The following ADAMTS12 variants were observed in gnomAD, a reference collection of about 807,000 sequenced individuals.
The protein encoded by ADAMTS12 is A disintegrin and metalloproteinase with thrombospondin motifs 12.
Under a neutral mutation model 167.8 loss-of-function variants are expected in ADAMTS12, and 118 were observed. The ratio of observed to expected loss-of-function variants is 0.70; its 90% CI spans 0.61 to 0.82. The LOEUF (loss-of-function observed/expected upper bound fraction) is 0.82, where lower values mean the gene tolerates loss of function less well. ADAMTS12 is among the 40% of genes least tolerant of loss of function. ADAMTS12 has a pLI of 0.00. For synonymous variants in ADAMTS12, 704 were observed against 716.9 expected, an observed-to-expected ratio of 0.98 and a Z score of 0.29; for missense variants, 1,916 against 1,998.8, an observed-to-expected ratio of 0.96 and a Z score of 0.79.
At chr5:33,604,783 G>A (rs985777201) in intron 16 of ADAMTS12, among the ~76,000 whole-genome samples, 3 of 152,126 alleles carry the variant, frequency 2.0e-5, no homozygotes, top group Non-Finnish European at 4.4e-5. Context: ...GTATTAGAAA[G>A]GGTGGGGTGC....
rs563206841 is a variant in ADAMTS12, at chr5:33,757,609, C to G, written c.490-6061G>C. 2.6e-5 allele frequency among the ~76,000 whole-genome samples: 4 copies of G among 152,194 alleles called. No homozygotes were observed. The East Asian group carries it at 7.7e-4, about 29-fold the overall frequency. On this transcript the variant is annotated intron_variant, in intron 2 of 23. Coordinates refer to ENST00000504830, the MANE Select transcript of ADAMTS12 (RefSeq NM_030955.4). ...AGACCACATCCACTGGCTGGCAGCT[C>G]AAGAATCCAAGCGGTGGGAAAAAAT... is the stretch of plus-strand genomic sequence containing the variant.
At chr5:33,610,781 G>A (rs1738690828) in intron 16 of ADAMTS12, among the ~76,000 whole-genome samples, 1 of 152,116 alleles carries the variant, frequency 6.6e-6, no homozygotes, top group Admixed American at 6.6e-5. Flanking sequence ...ATAAATGTAT[G>A]AGAGACTGGG....
Position 33,683,048 on chromosome 5 carries a change from CACA to C in ADAMTS12, c.882_884del (p.Val296del). On this transcript the variant is annotated inframe_deletion, in exon 5 of 24. Transcript: ENST00000504830. ...CTTCTTCGAGTAGAATGAGCCGAAC[CACA>C]ACAATGTGAATTGCATTGCCAATGC... The C allele has an allele frequency of 6.2e-7, 1 of 1,613,154 alleles. No homozygotes were observed. The highest frequency in any genetic ancestry group is 8.5e-7 in the Non-Finnish European group (1 of 1,179,610).
chr5:33,704,769 C>T lies in ADAMTS12; in HGVS notation c.635-20714G>A, dbSNP rs529953523. 2.8e-4 allele frequency among the ~76,000 whole-genome samples: 43 copies of T among 152,206 alleles called. 1 individual carries two copies. The South Asian group carries it at 8.9e-3, about 32-fold the overall frequency. ...CAGATATGTGGTCTGCAAATATTTT[C>T]TCTCATTCCATCAAATGTCTTCCAT... On this transcript the variant is annotated intron_variant, in intron 3 of 23. Transcript: ENST00000504830.
Position 33,588,755 on chromosome 5 carries a change from C to A in ADAMTS12, c.2709G>T (p.Glu903Asp). 6.2e-7 allele frequency: 1 copy of A among 1,614,070 alleles called. No individual in the cohort carries two copies. Among genetic ancestry groups the A allele is most frequent in the South Asian group, 1.1e-5 (1 of 91,070 alleles). ...GGATGCACAGCACGGTTCGCTTCTT[C>A]TCCCCGTGGGGCCCGCATGTCGCCG... The part of the protein sequence containing the change: ...ACSATCGPHG[E>D]KKRTVLCIQT... The change falls in exon 18 of 24, where the codon GAG becomes GAT. Residue 903 changes from glutamate (E) to aspartate (D), a missense_variant. Physicochemically the swap from Glu to Asp is conservative, Grantham distance 45 (BLOSUM62 2). Transcript: ENST00000504830.
chr5:33,887,681 C>T (rs1750683615), intron 1 of ADAMTS12, among the ~76,000 whole-genome samples: 1 of 152,012 alleles, frequency 6.6e-6, no homozygotes, highest in South Asian at 2.1e-4. Flanking sequence ...TTTCCCTCAG[C>T]TTAGAAAGGA....
intron 2 of ADAMTS12, among the ~76,000 whole-genome samples, chr5:33,774,052 C>T (rs1397895088): frequency 6.6e-6 from 1 of 152,112 alleles, no homozygotes; most frequent in Non-Finnish European, 1.5e-5. Context: ...GAGGTTACTT[C>T]CATTTAAAGT....
chr5:33,681,109 T>C (rs1281334125), intron 5 of ADAMTS12, among the ~76,000 whole-genome samples: 3 of 152,118 alleles, frequency 2.0e-5, no homozygotes, highest in Non-Finnish European at 2.9e-5. Context: ...TTTTCCAAGT[T>C]TTGAATATAT....
At chr5:33,874,263 A>G (rs1475087588) in intron 2 of ADAMTS12, among the ~76,000 whole-genome samples, 1 of 152,240 alleles carries the variant, frequency 6.6e-6, no homozygotes, top group African/African-American at 2.4e-5. Context: ...AACTAGAACA[A>G]AGACCTTAAC....
chr5:33,595,519 C>A (rs935109208), intron 17 of ADAMTS12, among the ~76,000 whole-genome samples: 1 of 152,206 alleles, frequency 6.6e-6, no homozygotes, highest in African/African-American at 2.4e-5. Context: ...GCTCTCTGAG[C>A]CCCCTCTTCT....
At chr5:33,592,850 G>C (rs1747715164) in intron 17 of ADAMTS12, among the ~76,000 whole-genome samples, 1 of 152,110 alleles carries the variant, frequency 6.6e-6, no homozygotes, top group Admixed American at 6.5e-5. Flanking sequence ...CCCAGTGATG[G>C]GTATGAACTT....
chr5:33,816,487 C>T (rs1250303816), intron 2 of ADAMTS12, among the ~76,000 whole-genome samples: 1 of 152,140 alleles, frequency 6.6e-6, no homozygotes, highest in Admixed American at 6.6e-5. Context: ...CTTCCCTTCA[C>T]CCGCTAGCCT....
At chr5:33,533,240 A>G (rs1402481983) in intron 23 of ADAMTS12, among the ~76,000 whole-genome samples, 1 of 152,262 alleles carries the variant, frequency 6.6e-6, no homozygotes, top group African/African-American at 2.4e-5. Flanking sequence ...AACACTAGGC[A>G]TGATCAACCA....
At chr5:33,621,399 CAA>C (rs202182365) in intron 14 of ADAMTS12, among the ~76,000 whole-genome samples, 10,643 of 81,892 alleles carry the variant, frequency 0.13, 504 homozygotes, top group East Asian at 0.34. Context: ...GACTCCATCT[CAA>C]AAAAAAAAAA....
chr5:33,686,844 C>T (rs2112268573), intron 3 of ADAMTS12, among the ~76,000 whole-genome samples: 1 of 149,362 alleles, frequency 6.7e-6, no homozygotes, highest in East Asian at 2.0e-4. Flanking sequence ...CTGCTGTGTC[C>T]TCATCTGTCT....
At chr5:33,891,232 C>T (rs1440870573) in intron 1 of ADAMTS12, among the ~76,000 whole-genome samples, 3 of 152,086 alleles carry the variant, frequency 2.0e-5, no homozygotes, top group Non-Finnish European at 4.4e-5. Context: ...AAATACAACC[C>T]TAAATCTTTC....
intron 13 of ADAMTS12, among the ~76,000 whole-genome samples, chr5:33,626,664 T>A (rs1181003106): frequency 2.0e-5 from 3 of 146,730 alleles, no homozygotes; most frequent in Admixed American, 2.0e-4. Context: ...GATGTGGTAA[T>A]GGTGGTGGTG....
At chr5:33,677,795 G>A (rs576263563) in intron 5 of ADAMTS12, among the ~76,000 whole-genome samples, 9 of 152,056 alleles carry the variant, frequency 5.9e-5, no homozygotes, top group South Asian at 2.1e-4. Flanking sequence ...TTTTGTATAC[G>A]TCAGTTACCT....
At chr5:33,558,055 G>T (rs890014999) in intron 20 of ADAMTS12, among the ~76,000 whole-genome samples, 1 of 151,714 alleles carries the variant, frequency 6.6e-6, no homozygotes, top group Non-Finnish European at 1.5e-5. Flanking sequence ...TCTACATTTT[G>T]GTGAGTTTTA....
Sources: allele counts gnomAD v4.1 joint callset (sites outside exome capture counted in the v4.1 genomes callset), GRCh38; gene constraint gnomAD v4.1.1; transcripts MANE v1.5; gene names NCBI Gene and HGNC (gene_info 2026-07-23, HGNC 2026-07-21).